Variants in MAP3K9 observed in about 807,000 individuals in gnomAD.
The protein encoded by MAP3K9 is mixed lineage kinase 1 (tyr and ser/thr specificity).
A neutral mutation model predicts 95.8 loss-of-function variants in MAP3K9; 46 were observed. That is an observed-to-expected ratio of 0.48 (90% CI 0.38 to 0.61). The LOEUF is 0.61. Among genes scored for constraint, MAP3K9 ranks in the 20% least tolerant of loss-of-function variants. MAP3K9 has a pLI of 0.00. For synonymous variants in MAP3K9, 533 were observed against 593.8 expected (o/e 0.90, Z 1.49); for missense variants, 1,296 against 1,474.3 (o/e 0.88, Z 1.98).
Position 70,738,381 on chromosome 14 carries a change from T to C in MAP3K9, c.1708A>G (p.Ser570Gly), listed in dbSNP as rs1465795351. The change falls in exon 8 of 12, where the codon AGC (serine) becomes GGC (glycine). Residue 570 changes from serine (S) to glycine (G), a missense_variant. Physicochemically the swap from Ser to Gly is moderately conservative, Grantham distance 56 (BLOSUM62 0). This residue lies in a region of MAP3K9 where 377 missense variants were observed against 417.1 expected (regional missense o/e 0.90). Transcript: ENST00000554752. ...ACTGAGCTCCTGCCCCAGGTTTTGC[T>C]GCTTTCACCTGGTGTCACTGTGAAT... ...RAIQLTPGES[S>G]KTWGRSSVVP... is the part of the protein sequence containing the mutation. 6.2e-7 allele frequency: 1 copy of C among 1,613,974 alleles called. No individual in the cohort carries two copies. The highest frequency in any genetic ancestry group is 8.5e-7 in the Non-Finnish European group (1 of 1,179,964).
chr14:70,787,696 C>G (rs1330309618), intron 2 of MAP3K9, among the ~76,000 whole-genome samples: 2 of 151,984 alleles, frequency 1.3e-5, no homozygotes, highest in African/African-American at 4.8e-5. Context: ...CTCTAGGGTC[C>G]CAAGCCCCTG....
intron 1 of MAP3K9, among the ~76,000 whole-genome samples, chr14:70,805,322 C>T (rs940622699): frequency 2.0e-5 from 3 of 152,172 alleles, no homozygotes; most frequent in Non-Finnish European, 4.4e-5. Context: ...AAACTAATAA[C>T]CTTAATGTAT....
chr14:70,733,286 T>C lies in MAP3K9; in HGVS notation c.2083A>G (p.Ser695Gly). ...SGESRLQHSP[S>G]QSYLCIPFPR... ...AATGGGATACAGAGGTAGGACTGGC[T>C]GGGTGAATGCTGTAGGCGACTCTCT... Residue 695 changes from serine (S) to glycine (G), a missense_variant, in exon 11 of 12, where the codon AGC becomes GGC. Ser to Gly is a moderately conservative substitution (Grantham distance 56). Coordinates refer to ENST00000554752, the MANE Select transcript of MAP3K9 (RefSeq NM_001284230.2). The C allele has an allele frequency of 6.2e-7, 1 of 1,607,858 alleles. No individual in the cohort carries two copies. Among genetic ancestry groups the C allele is most frequent in the Non-Finnish European group, 8.5e-7 (1 of 1,175,924 alleles).
chr14:70,781,128 T>A (rs991918427), intron 2 of MAP3K9, among the ~76,000 whole-genome samples: 5 of 152,228 alleles, frequency 3.3e-5, no homozygotes, highest in Admixed American at 6.5e-5. Flanking sequence ...GTCTTGAGAC[T>A]CACTTTAACA....
chr14:70,732,148 A>G (rs1400180977), intron 11 of MAP3K9, among the ~76,000 whole-genome samples: 1 of 152,222 alleles, frequency 6.6e-6, no homozygotes, highest in Admixed American at 6.5e-5. Flanking sequence ...CTGCTCCCAC[A>G]TGCAGTGCAA....
chr14:70,728,453 T>A lies in MAP3K9; in HGVS notation c.*1927A>T, dbSNP rs953080823. The A allele has an allele frequency of 6.6e-6, 1 of 152,122 alleles. No homozygotes were observed. The highest frequency in any genetic ancestry group is 2.4e-5 in the African/African-American group (1 of 41,412). The allele number at this position is 152,122 out of a possible 1,614,324, so 9.4% of individuals were successfully genotyped here. ...CAAACTTTGTATGTACTTCTCCCCA[T>A]CAAGAATGAAGAAGAATCACTTGGT... On this transcript the variant is annotated 3_prime_UTR_variant, in exon 12 of 12. Coordinates refer to ENST00000554752, the MANE Select transcript of MAP3K9 (RefSeq NM_001284230.2).
At chr14:70,763,422 A>G (rs529336932) in intron 2 of MAP3K9, among the ~76,000 whole-genome samples, 6 of 152,352 alleles carry the variant, frequency 3.9e-5, no homozygotes, top group African/African-American at 1.4e-4. Context: ...ATGCTGCTGT[A>G]AACAAACCTA....
chr14:70,780,569 C>T (rs1046771827), intron 2 of MAP3K9, among the ~76,000 whole-genome samples: 18 of 152,138 alleles, frequency 1.2e-4, no homozygotes, highest in East Asian at 1.9e-4. Context: ...CTTCAAAAGG[C>T]GTCAACTTGG....
At position 70,809,419 on chromosome 14, in the gene MAP3K9, GC is replaced by G. The variant is rs1252122876; in HGVS notation, c.-249del. 8.6e-6 allele frequency: 3 copies of G among 349,352 alleles called. No homozygotes were observed. Among genetic ancestry groups the G allele is most frequent in the South Asian group, 1.4e-4 (1 of 6,924 alleles). 21.6% of individuals were successfully genotyped at this position (349,352 alleles called of 1,614,324 possible). A position where few individuals can be genotyped will look rare whatever the true frequency, so the allele number is the denominator to read the frequency against. On this transcript the variant is annotated 5_prime_UTR_variant, in exon 1 of 12. Transcript: ENST00000554752. Reference sequence around the variant, plus strand: ...GGGCCGAGTCCCCGCCTGCCCGCTCGCCCCCCCGGGGGCGGCCTCGTCACCT... The same window carrying G: ...GGGCCGAGTCCCCGCCTGCCCGCTCGCCCCCCGGGGGCGGCCTCGTCACCT...
At chr14:70,760,226 T>C (rs527346449) in intron 3 of MAP3K9, among the ~76,000 whole-genome samples, 2 of 151,950 alleles carry the variant, frequency 1.3e-5, no homozygotes, top group South Asian at 4.2e-4. Flanking sequence ...GACTGATATA[T>C]AATGATAAAC....
At chr14:70,752,580 C>T (rs956445802) in intron 3 of MAP3K9, among the ~76,000 whole-genome samples, 1 of 152,286 alleles carries the variant, frequency 6.6e-6, no homozygotes, top group Non-Finnish European at 1.5e-5. Flanking sequence ...GCATTGCCAA[C>T]CAGATTCCTA....
intron 5 of MAP3K9, among the ~76,000 whole-genome samples, chr14:70,742,911 T>TA (rs2054094808): frequency 1.6e-4 from 23 of 143,112 alleles, no homozygotes; most frequent in African/African-American, 5.4e-4. Context: ...TTATATATAT[T>TA]TATATATATA....
chr14:70,752,220 C>T (rs544151281), intron 3 of MAP3K9, among the ~76,000 whole-genome samples: 78 of 152,328 alleles, frequency 5.1e-4, no homozygotes, highest in African/African-American at 1.8e-3. Context: ...TTCTTGACAT[C>T]CCCAGATGTT....
chr14:70,734,589 G>GC, intron 9 of MAP3K9, 91 bp from the exon 10 acceptor site: 1 of 728,644 alleles, frequency 1.4e-6, no homozygotes, highest in East Asian at 2.5e-5. Flanking sequence ...GTTTCTCCCT[G>GC]CCTGCTTCAT....
At chr14:70,805,334 C>T (rs979784245) in intron 1 of MAP3K9, among the ~76,000 whole-genome samples, 1 of 152,076 alleles carries the variant, frequency 6.6e-6, no homozygotes, top group Non-Finnish European at 1.5e-5. Context: ...TTAATGTATG[C>T]CCTGTTTGAA....
Position 70,729,542 on chromosome 14 carries a change from T to C in MAP3K9, c.*838A>G, listed in dbSNP as rs1180981102. On this transcript the variant is annotated 3_prime_UTR_variant, in exon 12 of 12. Transcript: ENST00000554752. Reference sequence around the variant, plus strand: ...AACTATTCCTGGGATGAGCAGATGATTGTATCCGAACCTGGTCTGACGAGG... The same window carrying C: ...AACTATTCCTGGGATGAGCAGATGACTGTATCCGAACCTGGTCTGACGAGG... 6.6e-6 allele frequency: 1 copy of C among 152,192 alleles called. No individual in the cohort carries two copies. Among genetic ancestry groups the C allele is most frequent in the Admixed American group, 6.5e-5 (1 of 15,286 alleles). The allele number at this position is 152,192 out of a possible 1,614,324, so 9.4% of individuals were successfully genotyped here. A position where few individuals can be genotyped will look rare whatever the true frequency, so the allele number is the denominator to read the frequency against.
intron 2 of MAP3K9, among the ~76,000 whole-genome samples, chr14:70,782,347 G>A (rs995811476): frequency 6.6e-6 from 1 of 152,206 alleles, no homozygotes; most frequent in Non-Finnish European, 1.5e-5. Flanking sequence ...CACATCGGTT[G>A]AGAATCATGA....
chr14:70,798,608 AG>A (rs1218542017), intron 2 of MAP3K9, among the ~76,000 whole-genome samples: 1 of 145,912 alleles, frequency 6.9e-6, no homozygotes, highest in African/African-American at 2.5e-5. Flanking sequence ...CCTCCCAAGT[AG>A]CTGGGACTAC....
rs2053980472 is a variant in MAP3K9 at position 70,735,956 on chromosome 14, C to T, written c.1913+5G>A. Reference sequence around the variant, plus strand: ...AGCTGGTGAAAGGGTGAAGATGAGACTCACCCCAAGTGGAAATGTGGAGAT... The same window carrying T: ...AGCTGGTGAAAGGGTGAAGATGAGATTCACCCCAAGTGGAAATGTGGAGAT... On this transcript the variant is annotated splice_donor_5th_base_variant and intron_variant, in intron 9 of 11. Coordinates refer to ENST00000554752, the MANE Select transcript of MAP3K9 (RefSeq NM_001284230.2). 6.2e-7 allele frequency: 1 copy of T among 1,604,942 alleles called. No homozygotes were observed. Among genetic ancestry groups the T allele is most frequent in the Non-Finnish European group, 8.5e-7 (1 of 1,171,668 alleles).
Sources: allele counts gnomAD v4.1 joint callset (sites outside exome capture counted in the v4.1 genomes callset), GRCh38; gene constraint gnomAD v4.1.1; regional missense constraint gnomAD v4.1.1; transcripts MANE v1.5; gene names NCBI Gene and HGNC (gene_info 2026-07-23, HGNC 2026-07-21).